The following TTN variants were observed in gnomAD, a reference collection of about 807,000 sequenced individuals.
The protein encoded by TTN is titin.
Under a neutral mutation model 3,223.0 loss-of-function variants are expected in TTN, and 1,525 were observed. The ratio of observed to expected loss-of-function variants is 0.47; its 90% confidence interval spans 0.45 to 0.49. The LOEUF is 0.49. Among genes scored for constraint, TTN ranks in the 20% least tolerant of loss-of-function variants. The pLI, the probability that TTN is intolerant of heterozygous loss-of-function variation, is 0.00. For synonymous variants in TTN, 14,094 were observed against 15,161.0 expected (o/e 0.93, Z 5.17); for missense variants, 40,786 against 43,424.0 (o/e 0.94, Z 5.40).
At position 178,799,470 on chromosome 2, in the gene TTN, C is replaced by G. The variant is rs773843381; in HGVS notation, c.914+17G>C. On this transcript the variant is annotated intron_variant, in intron 6 of 362. Coordinates refer to ENST00000589042, the MANE Select transcript of TTN (RefSeq NM_001267550.2). The stretch of plus-strand genomic sequence containing the variant: ...TCCAAAATGTGCAATAATCTGCTCT[C>G]TCTATGGCAGCTTTACCTGACCGGA... 13 of 1,613,942 alleles carry G rather than the reference C, an allele frequency of 8.1e-6. No individual in the cohort carries two copies. Among genetic ancestry groups the G allele is most frequent in the Admixed American group, 1.7e-5 (1 of 60,008 alleles).
At chr2:178,528,216 C>CAA (rs560208528) in intron 361 of TTN, 58 bp downstream of exon 361, 2 of 1,538,748 alleles carry the variant, frequency 1.3e-6, no homozygotes, top group Non-Finnish European at 1.8e-6. Flanking sequence ...GAAAGAGAGG[C>CAA]AAAAAAACGA....
chr2:178,783,767 C>G lies in TTN; in HGVS notation c.2794G>C (p.Val932Leu). Reference protein sequence around the residue: ...REAKVTETARVPAPVEIPVTP... With the variant: ...REAKVTETARLPAPVEIPVTP... Reference sequence around the variant, plus strand: ...ACAGGAATTTCAACAGGTGCTGGTACTCTTGCTGTTTCTGTTACCTAGATT... The same window carrying G: ...ACAGGAATTTCAACAGGTGCTGGTAGTCTTGCTGTTTCTGTTACCTAGATT... Residue 932 changes from valine to leucine, a missense_variant, in exon 17 of 363, where the codon GTA (valine) becomes CTA (leucine). Val to Leu is a conservative substitution (Grantham distance 32, BLOSUM62 1). Coordinates refer to ENST00000589042, the MANE Select transcript of TTN (RefSeq NM_001267550.2). 1 of 1,613,298 alleles carries G rather than the reference C, an allele frequency of 6.2e-7. No homozygotes were observed. Among genetic ancestry groups the G allele is most frequent in the Non-Finnish European group, 8.5e-7 (1 of 1,179,686 alleles).
rs754972548 is a variant in TTN at position 178,722,087 on chromosome 2, C to A, written c.22576G>T (p.Val7526Phe). 7.9e-5 allele frequency: 127 copies of A among 1,607,286 alleles called. No homozygotes were observed. Among genetic ancestry groups the A allele is most frequent in the Non-Finnish European group, 1.1e-4 (124 of 1,176,290 alleles). The change falls in exon 78 of 363, where the codon GTT (valine) becomes TTT (phenylalanine). Residue 7526 changes from valine (V) to phenylalanine (F), a missense_variant. Physicochemically the swap from Val to Phe is conservative, Grantham distance 50. Coordinates refer to ENST00000589042, the MANE Select transcript of TTN (RefSeq NM_001267550.2). ...FFDIKPVSID[V>F]IAGESADFEC... ...AAATCAGCACTTTCTCCAGCAATAA[C>A]ATCTATAGATACAGGCTTGATGTCA... is the stretch of plus-strand genomic sequence containing the variant.
rs770602407 is a variant in TTN at position 178,722,699 on chromosome 2, A to G, written c.22200T>C (p.Ser7400=). The change falls in exon 76 of 363, where the codon AGT becomes AGC. Residue 7400 remains serine, a synonymous_variant. Transcript: ENST00000589042. ...SGEYTCKAEN[S]IGTASSKTVF... is the part of the protein sequence containing the mutation. ...CAGTCTTAGAAGAAGCAGTTCCTAT[A>G]CTATTTTCTGCTTTGCATGTGTACT... 1 of 1,613,086 alleles carries G rather than the reference A, an allele frequency of 6.2e-7. No homozygotes were observed. The highest frequency in any genetic ancestry group is 1.7e-5 in the Admixed American group (1 of 59,954).
At position 178,547,295 on chromosome 2, in the gene TTN, G is replaced by A. The variant is rs373502790; in HGVS notation, c.94230C>T (p.Ser31410=). ...GGTAGACCTCAGGTCTGGTAGGAGC[G>A]CTTGGTGGGACTAAATATAAACAAA... is the stretch of plus-strand genomic sequence containing the variant. The part of the protein sequence containing the change: ...IIAEHPFVPP[S]APTRPEVYHV... Residue 31410 remains serine, a synonymous_variant, in exon 340 of 363, where the codon AGC becomes AGT. Coordinates refer to ENST00000589042, the MANE Select transcript of TTN (RefSeq NM_001267550.2). 41 of 1,605,594 alleles carry A rather than the reference G, an allele frequency of 2.6e-5. No homozygotes were observed. Among genetic ancestry groups the A allele is most frequent in the African/African-American group, 6.7e-5 (5 of 74,532 alleles).
rs1428304417 is a variant in TTN, at chr2:178,728,119, T to C, written c.19705A>G (p.Thr6569Ala). ...GTAAAGAAATTCTAACCTTTCACAGTTAAGATGCCACTGCATGCATCATCT... is the reference window on the plus strand; with the variant it reads ...GTAAAGAAATTCTAACCTTTCACAGCTAAGATGCCACTGCATGCATCATCT... The part of the protein sequence containing the change: ...AGDDACSGIL[T>A]VKEPPSFLVK... Residue 6569 changes from threonine (T) to alanine (A), a missense_variant, in exon 67 of 363, where the codon ACT (threonine) becomes GCT (alanine). Coordinates refer to ENST00000589042, the MANE Select transcript of TTN (RefSeq NM_001267550.2). 6.4e-7 allele frequency: 1 copy of C among 1,572,984 alleles called. No individual in the cohort carries two copies. Among genetic ancestry groups the C allele is most frequent in the South Asian group, 1.2e-5 (1 of 83,060 alleles).
chr2:178,589,359 A>G lies in TTN; in HGVS notation c.62366T>C (p.Leu20789Pro), dbSNP rs750434015. The G allele has an allele frequency of 3.7e-6, 6 of 1,613,246 alleles. No homozygotes were observed. The African/African-American group carries it at 8.0e-5, about 22-fold the overall frequency. The change falls in exon 304 of 363, where the codon CTT becomes CCT. Residue 20789 changes from leucine (L) to proline (P), a missense_variant. Leu to Pro is a moderately conservative substitution (Grantham distance 98). Coordinates refer to ENST00000589042, the MANE Select transcript of TTN (RefSeq NM_001267550.2). ...LTVKAGDTIR[L>P]EAGVRGKPFP... The stretch of plus-strand genomic sequence containing the variant: ...TGGTTTGCCTCTAACCCCTGCCTCA[A>G]GCCTAATGGTGTCCCCTGCTTTGAC...
chr2:178,549,520 G>C, intron 338 of TTN, 47 bp from the exon 339 acceptor site: 1 of 1,592,304 alleles, frequency 6.3e-7, no homozygotes, highest in Non-Finnish European at 8.6e-7. Context: ...GCATTTGCTT[G>C]GAAGGTTAAA....
intron 47 of TTN, chr2:178,745,733 C>G: frequency 6.2e-7 from 1 of 1,612,632 alleles, no homozygotes; most frequent in Non-Finnish European, 8.5e-7. Flanking sequence ...GAACCTTCTT[C>G]CTTGGACTAA....
Position 178,576,051 on chromosome 2 carries a change from T to G in TTN, c.70081A>C (p.Ser23361Arg). 1 of 1,613,550 alleles carries G rather than the reference T, an allele frequency of 6.2e-7. No homozygotes were observed. The highest frequency in any genetic ancestry group is 8.5e-7 in the Non-Finnish European group (1 of 1,179,622). Reference sequence around the variant, plus strand: ...TTAATTGGCACAAATATCCTAATACTGAGTCCTGCTCTAACAACAAGTGTT... The same window carrying G: ...TTAATTGGCACAAATATCCTAATACGGAGTCCTGCTCTAACAACAAGTGTT... ...RRTLVVRAGL[S>R]IRIFVPIKGR... The change falls in exon 326 of 363, where the codon AGT (serine) becomes CGT (arginine). Residue 23361 changes from serine to arginine, a missense_variant. By Grantham distance (110) the Ser-to-Arg change is moderately radical. Coordinates refer to ENST00000589042, the MANE Select transcript of TTN (RefSeq NM_001267550.2). This position sits in a 1 kb window ranked among gnomAD's most constrained non-coding sequence, Gnocchi z 4.3.
In TTN at chr2:178,548,249, C is replaced by CTAG; in HGVS notation, c.93374_93376dup (p.Thr31125dup). 1 of 1,613,824 alleles carries CTAG rather than the reference C, an allele frequency of 6.2e-7. No individual in the cohort carries two copies. The highest frequency in any genetic ancestry group is 8.5e-7 in the Non-Finnish European group (1 of 1,179,818). ...CCAAGCTAAGACTGCGGAGGATTTG[C>CTAG]TAGTATCAACAACATCAAGTCTCCT... On this transcript the variant is annotated inframe_insertion, in exon 339 of 363. Transcript: ENST00000589042. The surrounding 1 kb of genome is among the most constrained non-coding windows in gnomAD (Gnocchi z 4.3).
chr2:178,752,035 TA>T, intron 47 of TTN: 1 of 1,498,780 alleles, frequency 6.7e-7, no homozygotes, highest in Non-Finnish European at 8.8e-7. Context: ...CCTCAGAGAA[TA>T]ATTCTGGAAA....
chr2:178,687,675 A>G (rs1312423151), intron 127 of TTN, among the ~76,000 whole-genome samples: 6 of 152,230 alleles, frequency 3.9e-5, no homozygotes, highest in African/African-American at 1.4e-4. Flanking sequence ...TAAAAAAATT[A>G]AAGGATTATA....
Position 178,539,465 on chromosome 2 carries a change from T to A in TTN, c.98600A>T (p.His32867Leu). 1.9e-6 allele frequency: 3 copies of A among 1,613,806 alleles called. No individual in the cohort carries two copies. The highest frequency in any genetic ancestry group is 1.7e-6 in the Non-Finnish European group (2 of 1,179,782). ...VKGLKENVEY[H>L]FRVSAENQFG... ...CTGGTTTTCTGCTGAAACACGGAAATGGTATTCTACATTCTCTTTGAGGCC... is the reference window on the plus strand; with the variant it reads ...CTGGTTTTCTGCTGAAACACGGAAAAGGTATTCTACATTCTCTTTGAGGCC... Residue 32867 changes from histidine to leucine, a missense_variant, in exon 352 of 363, where the codon CAT (histidine) becomes CTT (leucine). Transcript: ENST00000589042.
rs201257644 is a variant in TTN at position 178,636,050 on chromosome 2, C to T, written c.41521G>A (p.Asp13841Asn). 1,027 of 1,613,258 alleles carry T rather than the reference C, an allele frequency of 6.4e-4. 2 individuals are homozygous for T. Among genetic ancestry groups the T allele is most frequent in the Non-Finnish European group, 8.3e-4 (982 of 1,179,492 alleles). Residue 13841 changes from aspartate (D) to asparagine (N), a missense_variant, in exon 226 of 363, where the codon GAT becomes AAT. Transcript: ENST00000589042. The surrounding 1 kb of genome is among the most constrained non-coding windows in gnomAD (Gnocchi z 4.3). ...GTTCCAGCATCTGTGTCATCTGCAT[C>T]GTTGATGGTCAGAGCCCGCATCAAG... ...IGLMRALTIN[D>N]ADDTDAGTYT...
chr2:178,678,654 G>A, intron 143 of TTN, 93 bp downstream of exon 143: 1 of 1,245,620 alleles, frequency 8.0e-7, no homozygotes, highest in Non-Finnish European at 1.1e-6. Context: ...TCTCTAAAGA[G>A]TTGCATCCCA....
Position 178,537,538 on chromosome 2 carries a change from A to T in TTN, c.99669T>A (p.Arg33223=). The change falls in exon 355 of 363, where the codon CGT becomes CGA. Residue 33223 remains arginine (R), a synonymous_variant. Coordinates refer to ENST00000589042, the MANE Select transcript of TTN (RefSeq NM_001267550.2). ...TLRLHVMYIG[R]PVPAMTWFHG... ...GGAACCAAGTCATGGCAGGTACTGG[A>T]CGACCAATGTACATAACATGAAGCC... is the stretch of plus-strand genomic sequence containing the variant. 6.2e-7 allele frequency: 1 copy of T among 1,613,736 alleles called. No individual in the cohort carries two copies. Among genetic ancestry groups the T allele is most frequent in the East Asian group, 2.2e-5 (1 of 44,856 alleles).
chr2:178,549,648 A>G lies in TTN; in HGVS notation c.92074T>C (p.Phe30692Leu). Residue 30692 changes from phenylalanine to leucine, a missense_variant, in exon 338 of 363, where the codon TTC becomes CTC. Phe to Leu is a conservative substitution (Grantham distance 22). Transcript: ENST00000589042. ...AACTTGTTAACTGCAGAAACACGGA[A>G]TTGGTATTCATTGCCGTTTATTAGT... ...IKLINGNEYQFRVSAVNKFGV... is the reference protein window; with the variant it reads ...IKLINGNEYQLRVSAVNKFGV... 1 of 1,613,834 alleles carries G rather than the reference A, an allele frequency of 6.2e-7. No homozygotes were observed. The highest frequency in any genetic ancestry group is 8.5e-7 in the Non-Finnish European group (1 of 1,179,774).
At position 178,534,091 on chromosome 2, in the gene TTN, C is replaced by T. The variant is rs201954720; in HGVS notation, c.102524G>A (p.Arg34175Gln). 7.9e-5 allele frequency: 128 copies of T among 1,613,912 alleles called. No homozygotes were observed. Among genetic ancestry groups the T allele is most frequent in the East Asian group, 1.6e-4 (7 of 44,876 alleles). Residue 34175 changes from arginine to glutamine, a missense_variant, in exon 358 of 363, where the codon CGA becomes CAA. Coordinates refer to ENST00000589042, the MANE Select transcript of TTN (RefSeq NM_001267550.2). ...STQVTWYFGV[R>Q]QLENSEKYEI... ...GTATTTCTCACTGTTCTCCAGCTGT[C>T]GGACGCCAAAGTACCAAGTCACTTG...
Sources: gnomAD v4.1 joint callset for allele counts (sites outside exome capture counted in the v4.1 genomes callset) on GRCh38, gnomAD v4.1.1 for gene constraint, Gnocchi (gnomAD v3.1) non-coding constraint, MANE v1.5 for transcripts, NCBI Gene and HGNC (gene_info 2026-07-23, HGNC 2026-07-21) for gene names.